SIPA1L1: variants seen among roughly 807,000 people sequenced by gnomAD.
The protein encoded by SIPA1L1 is signal-induced proliferation-associated 1-like protein 1.
SIPA1L1 carries 26 observed loss-of-function variants against 162.7 expected under a neutral mutation model. That is an observed-to-expected ratio of 0.16 (90% CI 0.12 to 0.22). The LOEUF (loss-of-function observed/expected upper bound fraction) is 0.22. Among genes scored for constraint, SIPA1L1 ranks in the 10% least tolerant of loss-of-function variants. The pLI, the probability that SIPA1L1 is intolerant of heterozygous loss-of-function variation, is 1.00. For missense variants in SIPA1L1, 1,874 were observed against 2,241.0 expected, an observed-to-expected ratio of 0.84 and a Z score of 3.31; for synonymous variants, 829 against 837.4, an observed-to-expected ratio of 0.99 and a Z score of 0.17.
chr14:71,335,390 T>C (rs2034988955), intron 2 of SIPA1L1, among the ~76,000 whole-genome samples: 1 of 152,230 alleles, frequency 6.6e-6, no homozygotes, highest in Admixed American at 6.5e-5. Context: ...ACACTATCAC[T>C]CTTCACTGCT....
At chr14:71,336,080 C>G (rs758382281) in intron 2 of SIPA1L1, among the ~76,000 whole-genome samples, 6 of 152,144 alleles carry the variant, frequency 3.9e-5, no homozygotes, top group Non-Finnish European at 8.8e-5. Flanking sequence ...TTTAGGCTTT[C>G]CAAATTGTCT....
intron 5 of SIPA1L1, among the ~76,000 whole-genome samples, chr14:71,593,190 T>TATTC (rs1160634111): frequency 1.7e-5 from 1 of 59,618 alleles, no homozygotes; most frequent in Non-Finnish European, 2.6e-5. Flanking sequence ...TGTTTTGTGT[T>TATTC]ATTTATTTAT....
intron 2 of SIPA1L1, among the ~76,000 whole-genome samples, chr14:71,339,683 A>G (rs1004226472): frequency 6.6e-6 from 1 of 152,192 alleles, no homozygotes; most frequent in Non-Finnish European, 1.5e-5. Flanking sequence ...GTTTTCATAC[A>G]ACTTAATGTC....
At chr14:71,489,827 T>A (rs977934737) in intron 2 of SIPA1L1, among the ~76,000 whole-genome samples, 2 of 152,184 alleles carry the variant, frequency 1.3e-5, no homozygotes, top group Non-Finnish European at 2.9e-5. Context: ...GGGCTGTGGG[T>A]TGGACAGGCT....
At chr14:71,604,317 T>A (rs1184218741) in intron 5 of SIPA1L1, among the ~76,000 whole-genome samples, 1 of 151,926 alleles carries the variant, frequency 6.6e-6, no homozygotes, top group Non-Finnish European at 1.5e-5. Flanking sequence ...TTTTTAAAAA[T>A]TTGTTTCTAG....
At chr14:71,602,883 CT>C (rs1332325090) in intron 5 of SIPA1L1, among the ~76,000 whole-genome samples, 1 of 152,218 alleles carries the variant, frequency 6.6e-6, no homozygotes, top group Non-Finnish European at 1.5e-5. Context: ...AATCTAATGC[CT>C]GTCCCCTGTC....
chr14:71,568,579 A>G (rs2031274603), intron 4 of SIPA1L1, among the ~76,000 whole-genome samples: 1 of 152,178 alleles, frequency 6.6e-6, no homozygotes. Context: ...ACCCCAAGAG[A>G]GGGTCCTTGG....
chr14:71,420,659 A>G (rs559496196), intron 2 of SIPA1L1, among the ~76,000 whole-genome samples: 212 of 152,228 alleles, frequency 1.4e-3, no homozygotes, highest in African/African-American at 4.9e-3. Context: ...GTGAGCCCCC[A>G]TATACTTATC....
intron 8 of SIPA1L1, among the ~76,000 whole-genome samples, chr14:71,651,489 T>C (rs759934988): frequency 3.3e-5 from 5 of 152,206 alleles, no homozygotes; most frequent in Non-Finnish European, 7.3e-5. Context: ...TTAAAACCCA[T>C]AAATAGCCTA....
At chr14:71,661,276 GTTA>G in intron 9 of SIPA1L1, 31 bp from the exon 10 acceptor site, 1 of 1,605,532 alleles carries the variant, frequency 6.2e-7, no homozygotes, top group Non-Finnish European at 8.5e-7. Context: ...GCAAATGATT[GTTA>G]TTTATGTTGG....
chr14:71,441,935 GCC>G, intron 2 of SIPA1L1, among the ~76,000 whole-genome samples: 1 of 152,156 alleles, frequency 6.6e-6, no homozygotes, highest in South Asian at 2.1e-4. Context: ...ACTTTGGGAG[GCC>G]AAGGCAGGCA....
intron 2 of SIPA1L1, among the ~76,000 whole-genome samples, chr14:71,416,452 C>T (rs2042768763): frequency 6.6e-6 from 1 of 151,956 alleles, no homozygotes; most frequent in South Asian, 2.1e-4. Context: ...AACCTCTGGG[C>T]ACTGAAATAT....
rs1418531211 is a variant in SIPA1L1, at chr14:71,670,749, A to G, written c.2256-370A>G. 2.0e-5 allele frequency among the ~76,000 whole-genome samples: 3 copies of G among 152,340 alleles called. No homozygotes were observed. In the East Asian group the frequency reaches 5.8e-4, roughly 29 times the overall value. ...TTGTTCTGAAAGATGATGTGGTTACAGTAACCTCCCTTGAAAACAGTTAGT... is the reference window on the plus strand; with the variant it reads ...TTGTTCTGAAAGATGATGTGGTTACGGTAACCTCCCTTGAAAACAGTTAGT... On this transcript the variant is annotated intron_variant, in intron 10 of 23. Transcript: ENST00000381232.
intron 2 of SIPA1L1, among the ~76,000 whole-genome samples, chr14:71,349,879 T>C (rs1261882182): frequency 6.6e-6 from 1 of 152,120 alleles, no homozygotes; most frequent in Non-Finnish European, 1.5e-5. Context: ...TCCCCAAATA[T>C]AGGCAGAGTG....
chr14:71,392,333 C>T (rs1051816901), intron 2 of SIPA1L1, among the ~76,000 whole-genome samples: 2 of 152,146 alleles, frequency 1.3e-5, no homozygotes, highest in Admixed American at 1.3e-4. Context: ...CTTGTTTGTT[C>T]TAGTGGTAGT....
chr14:71,590,824 C>G (rs150312852), intron 5 of SIPA1L1, among the ~76,000 whole-genome samples: 210 of 152,192 alleles, frequency 1.4e-3, no homozygotes, highest in Non-Finnish European at 2.5e-3. Context: ...GTTGGGGTAG[C>G]GTGGAGTAGG....
At chr14:71,553,478 C>T (rs1455005926) in intron 4 of SIPA1L1, among the ~76,000 whole-genome samples, 2 of 152,202 alleles carry the variant, frequency 1.3e-5, no homozygotes, top group African/African-American at 2.4e-5. Flanking sequence ...TTCCTCTCTT[C>T]TCTTCCTCCT....
chr14:71,472,712 C>G (rs1567070440), intron 2 of SIPA1L1, among the ~76,000 whole-genome samples: 1 of 150,200 alleles, frequency 6.7e-6, no homozygotes, highest in Non-Finnish European at 1.5e-5. Flanking sequence ...GTTTCCAAAC[C>G]AAGTTTCCTA....
chr14:71,462,953 A>G (rs1386551221), intron 2 of SIPA1L1, among the ~76,000 whole-genome samples: 1 of 152,254 alleles, frequency 6.6e-6, no homozygotes, highest in Non-Finnish European at 1.5e-5. Flanking sequence ...CTATGGCTGC[A>G]TACCAGGTAC....
Sources: allele counts gnomAD v4.1 joint callset (sites outside exome capture counted in the v4.1 genomes callset), GRCh38; gene constraint gnomAD v4.1.1; transcripts MANE v1.5; gene names NCBI Gene and HGNC (gene_info 2026-07-23, HGNC 2026-07-21).